Variants in PRKCB observed in about 807,000 individuals in gnomAD.
PRKCB encodes the protein protein kinase C beta type.
A neutral mutation model predicts 81.5 loss-of-function variants in PRKCB; 13 were observed. That is an observed-to-expected ratio of 0.16 (90% CI 0.10 to 0.25). PRKCB has a LOEUF of 0.25. Ranked by LOEUF, PRKCB falls within the 10% of genes least tolerant of loss-of-function variation. The probability of loss-of-function intolerance (pLI) is 1.00; values close to 1 mark genes in which losing one functional copy is unlikely to be tolerated. For missense variants in PRKCB, 509 were observed against 875.7 expected (o/e 0.58, Z 5.29); for synonymous variants, 335 against 321.4 (o/e 1.04, Z -0.45).
intron 16 of PRKCB, among the ~76,000 whole-genome samples, chr16:24,204,997 G>A (rs905610949): frequency 5.3e-5 from 8 of 151,940 alleles, no homozygotes; most frequent in Admixed American, 2.6e-4. Flanking sequence ...ATGGGTGCCT[G>A]TAGTCCCAGC....
intron 5 of PRKCB, among the ~76,000 whole-genome samples, chr16:24,036,061 C>A (rs1965613932): frequency 6.6e-6 from 1 of 152,162 alleles, no homozygotes; most frequent in Non-Finnish European, 1.5e-5. Context: ...GGGCTTTCCA[C>A]ATATTTGAAA....
chr16:23,886,632 C>T (rs536306000), intron 2 of PRKCB, among the ~76,000 whole-genome samples: 4 of 152,098 alleles, frequency 2.6e-5, no homozygotes, highest in Admixed American at 2.0e-4. Flanking sequence ...AGGCTGGTCT[C>T]GAACTCCTGA....
chr16:23,950,084 C>T (rs1174066307), intron 2 of PRKCB, among the ~76,000 whole-genome samples: 1 of 150,912 alleles, frequency 6.6e-6, no homozygotes, highest in Non-Finnish European at 1.5e-5. Context: ...CCCAGTGGCC[C>T]ACTTCCTCCT....
chr16:24,013,435 G>A (rs1965231854), intron 3 of PRKCB, among the ~76,000 whole-genome samples: 1 of 152,254 alleles, frequency 6.6e-6, no homozygotes, highest in Non-Finnish European at 1.5e-5. Context: ...CCTTGGGCGA[G>A]TTACTTAACT....
chr16:24,170,196 G>T (rs967092834), intron 10 of PRKCB, among the ~76,000 whole-genome samples: 2 of 152,110 alleles, frequency 1.3e-5, no homozygotes, highest in Non-Finnish European at 2.9e-5. Flanking sequence ...TTTGTTCACT[G>T]CTCTATCCTC....
At chr16:24,166,970 G>A (rs1967357091) in intron 10 of PRKCB, among the ~76,000 whole-genome samples, 1 of 151,940 alleles carries the variant, frequency 6.6e-6, no homozygotes, top group South Asian at 2.1e-4. Context: ...AGTCTGGGGG[G>A]CAAGCCGAGT....
At chr16:24,043,537 G>A (rs1408082546) in intron 5 of PRKCB, among the ~76,000 whole-genome samples, 1 of 152,152 alleles carries the variant, frequency 6.6e-6, no homozygotes, top group Non-Finnish European at 1.5e-5. Flanking sequence ...GAGGCCAGGG[G>A]AAGGGTCTCT....
intron 9 of PRKCB, among the ~76,000 whole-genome samples, chr16:24,136,597 A>C (rs904505425): frequency 6.6e-6 from 1 of 152,124 alleles, no homozygotes; most frequent in Non-Finnish European, 1.5e-5. Context: ...TCAAGTCTCC[A>C]TGTCTAATTC....
intron 5 of PRKCB, among the ~76,000 whole-genome samples, chr16:24,047,324 AGAGT>A (rs1225883516): frequency 6.6e-6 from 1 of 152,162 alleles, no homozygotes; most frequent in Non-Finnish European, 1.5e-5. Context: ...CCTGGGTGAC[AGAGT>A]GAGACTCCAT....
chr16:23,848,093 A>G (rs1027080342), intron 2 of PRKCB, among the ~76,000 whole-genome samples: 2 of 152,178 alleles, frequency 1.3e-5, no homozygotes, highest in Non-Finnish European at 2.9e-5. Context: ...AGAATAGGGC[A>G]CATGCAGGGA....
chr16:23,913,482 G>A (rs971495464), intron 2 of PRKCB, among the ~76,000 whole-genome samples: 1 of 152,212 alleles, frequency 6.6e-6, no homozygotes, highest in Admixed American at 6.5e-5. Flanking sequence ...GGGTGAAAAG[G>A]CAGACCTGGA....
At chr16:24,038,852 G>A (rs1462655093) in intron 5 of PRKCB, among the ~76,000 whole-genome samples, 1 of 152,186 alleles carries the variant, frequency 6.6e-6, no homozygotes, top group African/African-American at 2.4e-5. Flanking sequence ...AGCACAGTCA[G>A]TCCCATCTTG....
intron 7 of PRKCB, among the ~76,000 whole-genome samples, chr16:24,107,052 G>T (rs1338032395): frequency 6.6e-6 from 1 of 152,132 alleles, no homozygotes; most frequent in Non-Finnish European, 1.5e-5. Flanking sequence ...CATTTCTCAA[G>T]TTTTTCTTTT....
At chr16:24,009,179 G>T (rs1965167689) in intron 3 of PRKCB, among the ~76,000 whole-genome samples, 7 of 152,138 alleles carry the variant, frequency 4.6e-5, no homozygotes, top group Admixed American at 4.6e-4. Context: ...CATTTCTTCA[G>T]GATGTTAATT....
At chr16:24,035,302 T>C (rs1160616879) in intron 4 of PRKCB, 117 bp from the exon 5 acceptor site, 12 of 1,353,396 alleles carry the variant, frequency 8.9e-6, no homozygotes, top group Non-Finnish European at 9.1e-6. Context: ...GGCTCGTGTG[T>C]CTCAGCTGTC....
rs1193440145 is a variant in PRKCB at position 24,151,664 on chromosome 16, A to G, written c.1066-3020A>G. 8 of 398,578 alleles carry G rather than the reference A, an allele frequency of 2.0e-5. No homozygotes were observed. The Admixed American group carries it at 2.1e-4, about 11-fold the overall frequency. The allele number at this position is 398,578 out of a possible 1,614,324, so 24.7% of individuals were successfully genotyped here. On this transcript the variant is annotated intron_variant, in intron 9 of 16. Transcript: ENST00000643927. ...CAGTGCAAGAGCATGGAAGGACGTCATAGACAGTGGGAGTCGAATGTTCAA... is the reference window on the plus strand; with the variant it reads ...CAGTGCAAGAGCATGGAAGGACGTCGTAGACAGTGGGAGTCGAATGTTCAA...
chr16:24,029,958 A>G (rs1965531139), intron 3 of PRKCB, among the ~76,000 whole-genome samples: 1 of 152,056 alleles, frequency 6.6e-6, no homozygotes, highest in Admixed American at 6.6e-5. Context: ...GAGTGCAGTG[A>G]TGCAATCATA....
intron 16 of PRKCB, among the ~76,000 whole-genome samples, chr16:24,205,333 T>C (rs1430468341): frequency 6.6e-6 from 1 of 151,830 alleles, no homozygotes; most frequent in African/African-American, 2.4e-5. Context: ...TAAAAAATTC[T>C]TTGTAGAGAC....
intron 2 of PRKCB, among the ~76,000 whole-genome samples, chr16:23,916,839 A>G (rs955919405): frequency 2.0e-5 from 3 of 151,964 alleles, no homozygotes; most frequent in African/African-American, 7.2e-5. Context: ...GGCTCACTGC[A>G]GCCTCTGCCT....
Sources: allele counts gnomAD v4.1 joint callset (sites outside exome capture counted in the v4.1 genomes callset), GRCh38; gene constraint gnomAD v4.1.1; transcripts MANE v1.5; gene names NCBI Gene and HGNC (gene_info 2026-07-23, HGNC 2026-07-21).